Variants in DPYSL2 observed in about 807,000 individuals in gnomAD.
The protein encoded by DPYSL2 is dihydropyrimidinase like 2.
A neutral mutation model predicts 69.9 loss-of-function variants in DPYSL2; 13 were observed. The observed-to-expected ratio is 0.19, with a 90% confidence interval of 0.12 to 0.30. The LOEUF is 0.30. DPYSL2 is among the 10% of genes least tolerant of loss of function. The probability of loss-of-function intolerance (pLI) is 1.00; values close to 1 mark genes in which losing one functional copy is unlikely to be tolerated. For synonymous variants in DPYSL2, 326 were observed against 359.1 expected, an observed-to-expected ratio of 0.91 and a Z score of 1.04; for missense variants, 587 against 918.9, an observed-to-expected ratio of 0.64 and a Z score of 4.67.
rs777878484 is a variant in DPYSL2 at position 26,656,526 on chromosome 8, C to G, written c.*820C>G. 9 of 152,566 alleles carry G rather than the reference C, an allele frequency of 5.9e-5. No individual in the cohort carries two copies. Among genetic ancestry groups the G allele is most frequent in the Non-Finnish European group, 1.0e-4 (7 of 68,014 alleles). 9.5% of individuals were successfully genotyped at this position (152,566 alleles called of 1,614,324 possible). A position where few individuals can be genotyped will look rare whatever the true frequency, so the allele number is the denominator to read the frequency against. ...TTCATGAATATTTTCGTGTCTGTCTCTCTCTCTCTCTGTGTTTCCTCCAGC... is the reference window on the plus strand; with the variant it reads ...TTCATGAATATTTTCGTGTCTGTCTGTCTCTCTCTCTGTGTTTCCTCCAGC... On this transcript the variant is annotated 3_prime_UTR_variant, in exon 14 of 14. Transcript: ENST00000521913.
In DPYSL2 at chr8:26,591,072, G is replaced by GC. The variant is rs111960886; in HGVS notation, c.628+7091dup. On this transcript the variant is annotated intron_variant, in intron 3 of 13. Coordinates refer to ENST00000521913, the MANE Select transcript of DPYSL2 (RefSeq NM_001197293.3). The surrounding 1 kb of genome is among the most constrained non-coding windows in gnomAD (Gnocchi z 5.8). ...CTGGCAGTTACAGTGCTGGAAATGA[G>GC]CCTGACTCACTGGGGTGGTGATCTT... 7.2e-5 allele frequency among the ~76,000 whole-genome samples: 11 copies of GC among 152,324 alleles called. No homozygotes were observed. Among genetic ancestry groups the GC allele is most frequent in the African/African-American group, 2.6e-4 (11 of 41,586 alleles).
chr8:26,521,501 GC>G (rs1480555534), intron 1 of DPYSL2, among the ~76,000 whole-genome samples: 1 of 151,432 alleles, frequency 6.6e-6, no homozygotes, highest in Non-Finnish European at 1.5e-5. Context: ...TATAATCGAG[GC>G]AAAATTGACT....
At position 26,653,418 on chromosome 8, in the gene DPYSL2, G is replaced by A. The variant is rs766849977; in HGVS notation, c.1942+21G>A. The A allele has an allele frequency of 6.2e-7, 1 of 1,606,208 alleles. No homozygotes were observed. The highest frequency in any genetic ancestry group is 8.5e-7 in the Non-Finnish European group (1 of 1,175,672). ...GTCTGGTAGGGTTGGGGCTTGGGGA[G>A]GGCACAGTTCTGCAGGGCCAGCTCG... On this transcript the variant is annotated intron_variant, in intron 13 of 13. Coordinates refer to ENST00000521913, the MANE Select transcript of DPYSL2 (RefSeq NM_001197293.3). This position sits in a 1 kb window ranked among gnomAD's most constrained non-coding sequence, Gnocchi z 5.7.
chr8:26,656,303 C>T lies in DPYSL2; in HGVS notation c.*597C>T, dbSNP rs1803389591. 6.6e-6 allele frequency: 1 copy of T among 152,080 alleles called. No individual in the cohort carries two copies. The highest frequency in any genetic ancestry group is 2.1e-4 in the South Asian group (1 of 4,790). 9.4% of individuals were successfully genotyped at this position (152,080 alleles called of 1,614,324 possible). A position where few individuals can be genotyped will look rare whatever the true frequency, so the allele number is the denominator to read the frequency against. On this transcript the variant is annotated 3_prime_UTR_variant, in exon 14 of 14. Coordinates refer to ENST00000521913, the MANE Select transcript of DPYSL2 (RefSeq NM_001197293.3). ...GCTGATTCCGGGTGGTTGGCAAACT[C>T]ATCGTGTCTGTCCTGAGAGGCTCCA...
chr8:26,520,477 T>TG (rs1000659997), intron 1 of DPYSL2, among the ~76,000 whole-genome samples: 59 of 151,830 alleles, frequency 3.9e-4, no homozygotes, highest in Non-Finnish European at 1.5e-4. Flanking sequence ...AATGCCTGTT[T>TG]TTTTTTTTTC....
At chr8:26,515,390 C>G (rs1005870100) in intron 1 of DPYSL2, among the ~76,000 whole-genome samples, 4 of 152,146 alleles carry the variant, frequency 2.6e-5, no homozygotes, top group African/African-American at 9.7e-5. Flanking sequence ...CTCCCCAAAC[C>G]GCTATGTGGG....
chr8:26,615,320 T>A (rs1396417245), intron 3 of DPYSL2, among the ~76,000 whole-genome samples: 1 of 152,228 alleles, frequency 6.6e-6, no homozygotes, highest in East Asian at 1.9e-4. Flanking sequence ...TTTCAATGTT[T>A]GTGACTTAAA....
At position 26,627,670 on chromosome 8, in the gene DPYSL2, G is replaced by GC. The variant is rs753214446; in HGVS notation, c.937-201dup. On this transcript the variant is annotated intron_variant, in intron 6 of 13. Transcript: ENST00000521913. This position sits in a 1 kb window ranked among gnomAD's most constrained non-coding sequence, Gnocchi z 6.9. ...GGAACAGCTGAATGGGTTTTGGGAG[G>GC]CTGTAATTGATCCATCCTGCTCAGG... 1.2e-4 allele frequency among the ~76,000 whole-genome samples: 19 copies of GC among 152,214 alleles called. No homozygotes were observed. Among genetic ancestry groups the GC allele is most frequent in the Non-Finnish European group, 2.5e-4 (17 of 68,046 alleles).
chr8:26,554,931 G>T lies in DPYSL2; in HGVS notation c.355-27038G>T, dbSNP rs185727101. On this transcript the variant is annotated intron_variant, in intron 1 of 13. Coordinates refer to ENST00000521913, the MANE Select transcript of DPYSL2 (RefSeq NM_001197293.3). ...AAAGAGTTTCTACATTAGAACCAGT[G>T]GGATTTACTCCAGGTTTACAAGAGT... Among the ~76,000 whole-genome samples the T allele has an allele frequency of 7.9e-5, 12 of 152,148 alleles. No individual in the cohort carries two copies. The East Asian group carries it at 2.1e-3, about 27-fold the overall frequency.
At chr8:26,528,657 GAAAGAAAAGAAAAGAA>G (rs1808529112) in intron 1 of DPYSL2, among the ~76,000 whole-genome samples, 1 of 150,076 alleles carries the variant, frequency 6.7e-6, no homozygotes, top group Non-Finnish European at 1.5e-5. Flanking sequence ...AAAAAAAAAA[GAAAGAAAAGAAAAGAA>G]AAAGAAAAAA....
At position 26,647,695 on chromosome 8, in the gene DPYSL2, C is replaced by T; in HGVS notation, c.1491C>T (p.Phe497=). 6.2e-7 allele frequency: 1 copy of T among 1,614,182 alleles called. No homozygotes were observed. The highest frequency in any genetic ancestry group is 1.7e-5 in the Admixed American group (1 of 60,026). The change falls in exon 11 of 14, where the codon TTC becomes TTT. Residue 497 remains phenylalanine (F), a synonymous_variant. Coordinates refer to ENST00000521913, the MANE Select transcript of DPYSL2 (RefSeq NM_001197293.3). The surrounding 1 kb of genome is among the most constrained non-coding windows in gnomAD (Gnocchi z 5.1). Reference sequence around the variant, plus strand: ...CCAGCACCAATGCAGCCAAAGTCTTCAACCTTTACCCCCGGAAAGGCCGCA... The same window carrying T: ...CCAGCACCAATGCAGCCAAAGTCTTTAACCTTTACCCCCGGAAAGGCCGCA... ...AVTSTNAAKV[F]NLYPRKGRIA...
intron 3 of DPYSL2, among the ~76,000 whole-genome samples, chr8:26,589,393 C>T (rs1050941214): frequency 1.4e-4 from 21 of 152,322 alleles, no homozygotes; most frequent in Non-Finnish European, 2.1e-4. Context: ...TATTTCCTGC[C>T]GCCTGGGCAG....
chr8:26,569,806 G>T (rs1358370391), intron 1 of DPYSL2, among the ~76,000 whole-genome samples: 1 of 152,120 alleles, frequency 6.6e-6, no homozygotes, highest in Non-Finnish European at 1.5e-5. Context: ...GGAGAAGAGA[G>T]AACAGCAGCC....
At chr8:26,613,176 A>T (rs1276704468) in intron 3 of DPYSL2, among the ~76,000 whole-genome samples, 1 of 152,224 alleles carries the variant, frequency 6.6e-6, no homozygotes, top group Non-Finnish European at 1.5e-5. Context: ...TCATCCAGGA[A>T]AATGGGATGA....
intron 1 of DPYSL2, among the ~76,000 whole-genome samples, chr8:26,563,151 A>T (rs1801099979): frequency 6.6e-6 from 1 of 152,240 alleles, no homozygotes; most frequent in African/African-American, 2.4e-5. Flanking sequence ...TTTCATTAGG[A>T]GGATGCCAAA....
Position 26,644,209 on chromosome 8 carries a change from C to A in DPYSL2, c.1425+118C>A. On this transcript the variant is annotated intron_variant, in intron 10 of 13. Coordinates refer to ENST00000521913, the MANE Select transcript of DPYSL2 (RefSeq NM_001197293.3). This position sits in a 1 kb window ranked among gnomAD's most constrained non-coding sequence, Gnocchi z 4.5. ...CAGACAGTGGAGGACATCCTAGAAG[C>A]CAGTACTTATATGACAATATTTCTG... 1 of 1,240,672 alleles carries A rather than the reference C, an allele frequency of 8.1e-7. No individual in the cohort carries two copies. The highest frequency in any genetic ancestry group is 1.1e-6 in the Non-Finnish European group (1 of 914,396). The allele number at this position is 1,240,672 out of a possible 1,614,324, so 76.9% of individuals were successfully genotyped here.
Position 26,647,113 on chromosome 8 carries a change from GT to G in DPYSL2, c.1426-513del, listed in dbSNP as rs1444858277. On this transcript the variant is annotated intron_variant, in intron 10 of 13. Coordinates refer to ENST00000521913, the MANE Select transcript of DPYSL2 (RefSeq NM_001197293.3). The surrounding 1 kb of genome is among the most constrained non-coding windows in gnomAD (Gnocchi z 5.1). Reference sequence around the variant, plus strand: ...CTGCAAATTAAACGAATTTTTTTTTGTTTTGAAATAATTATAGATTAAGAAG... The same window carrying G: ...CTGCAAATTAAACGAATTTTTTTTTGTTTGAAATAATTATAGATTAAGAAG... Among the ~76,000 whole-genome samples, 3 of 151,280 alleles carry G rather than the reference GT, an allele frequency of 2.0e-5. No individual in the cohort carries two copies. The highest frequency in any genetic ancestry group is 7.3e-5 in the African/African-American group (3 of 41,186).
In DPYSL2 at chr8:26,582,000, T is replaced by G; in HGVS notation, c.386T>G (p.Ile129Ser). 1 of 1,614,046 alleles carries G rather than the reference T, an allele frequency of 6.2e-7. No individual in the cohort carries two copies. Among genetic ancestry groups the G allele is most frequent in the Non-Finnish European group, 8.5e-7 (1 of 1,180,008 alleles). Residue 129 changes from isoleucine (I) to serine (S), a missense_variant, in exon 2 of 14, where the codon ATT becomes AGT. Physicochemically the swap from Ile to Ser is moderately radical, Grantham distance 142. Coordinates refer to ENST00000521913, the MANE Select transcript of DPYSL2 (RefSeq NM_001197293.3). ...SDRLLIKGGK[I>S]VNDDQSFYAD... ...CGTCTTCTGATCAAAGGAGGTAAAATTGTTAATGATGACCAGTCGTTCTAT... is the reference window on the plus strand; with the variant it reads ...CGTCTTCTGATCAAAGGAGGTAAAAGTGTTAATGATGACCAGTCGTTCTAT...
rs1353762075 is a variant in DPYSL2 at position 26,643,416 on chromosome 8, AC to A, written c.1127-21del. ...TTCCCCCTGCATTGTGTTGGACTGA[AC>A]CTTGTGTGTTCTGTTTGTCAGGAAC... On this transcript the variant is annotated intron_variant, in intron 8 of 13. Transcript: ENST00000521913. The surrounding 1 kb of genome is among the most constrained non-coding windows in gnomAD (Gnocchi z 6.5). The A allele has an allele frequency of 5.1e-6, 8 of 1,567,208 alleles. No homozygotes were observed. The highest frequency in any genetic ancestry group is 6.9e-6 in the Non-Finnish European group (8 of 1,158,690).
Sources: allele counts gnomAD v4.1 joint callset (sites outside exome capture counted in the v4.1 genomes callset), GRCh38; gene constraint gnomAD v4.1.1; non-coding constraint Gnocchi (gnomAD v3.1); transcripts MANE v1.5; gene names NCBI Gene and HGNC (gene_info 2026-07-23, HGNC 2026-07-21).